Variants in FOXN2 observed in about 807,000 individuals in gnomAD.
FOXN2 encodes the protein forkhead box protein N2.
FOXN2 carries 19 observed loss-of-function variants against 41.2 expected under a neutral mutation model. The ratio of observed to expected loss-of-function variants is 0.46; its 90% confidence interval spans 0.32 to 0.68. FOXN2 has a LOEUF of 0.68. Among genes scored for constraint, FOXN2 ranks in the 30% least tolerant of loss-of-function variants. The pLI is 0.03. For synonymous variants in FOXN2, 195 were observed against 176.8 expected, an observed-to-expected ratio of 1.10 and a Z score of -0.82; for missense variants, 587 against 509.4, an observed-to-expected ratio of 1.15 and a Z score of -1.47.
At chr2:48,363,469 C>T (rs1451957061) in intron 5 of FOXN2, among the ~76,000 whole-genome samples, 2 of 152,052 alleles carry the variant, frequency 1.3e-5, no homozygotes, top group Non-Finnish European at 2.9e-5. Flanking sequence ...TTAGTGCAGC[C>T]TAAGTGTACA....
intron 6 of FOXN2, among the ~76,000 whole-genome samples, chr2:48,374,288 T>C (rs1365380151): frequency 1.3e-5 from 2 of 152,106 alleles, no homozygotes; most frequent in Admixed American, 6.5e-5. Flanking sequence ...GCAATACACA[T>C]GTGAAAAGAT....
At chr2:48,346,787 TGGG>T in intron 3 of FOXN2, 36 bp downstream of exon 3, 1 of 1,498,506 alleles carries the variant, frequency 6.7e-7, no homozygotes, top group Non-Finnish European at 8.9e-7. Context: ...TTTGGTGAGG[TGGG>T]GGGACTAATT....
In FOXN2 at chr2:48,379,048, T is replaced by G. The variant is rs1263497207; in HGVS notation, c.*3605T>G. On this transcript the variant is annotated 3_prime_UTR_variant, in exon 7 of 7. Transcript: ENST00000340553. Reference sequence around the variant, plus strand: ...TCAACAAATTTGTTATCAAACTGTTTCCTTATCCTCTTTTCTGATGTAGCA... The same window carrying G: ...TCAACAAATTTGTTATCAAACTGTTGCCTTATCCTCTTTTCTGATGTAGCA... 1 of 152,594 alleles carries G rather than the reference T, an allele frequency of 6.6e-6. No individual in the cohort carries two copies. Among genetic ancestry groups the G allele is most frequent in the Admixed American group, 6.6e-5 (1 of 15,264 alleles). The allele number at this position is 152,594 out of a possible 1,614,324, so 9.5% of individuals were successfully genotyped here. A position where few individuals can be genotyped will look rare whatever the true frequency, so the allele number is the denominator to read the frequency against.
chr2:48,335,330 A>G (rs1670264092), intron 2 of FOXN2, among the ~76,000 whole-genome samples: 1 of 150,760 alleles, frequency 6.6e-6, no homozygotes, highest in South Asian at 2.1e-4. Context: ...AAAAGCAAAT[A>G]TGCTGTTGAA....
intron 2 of FOXN2, among the ~76,000 whole-genome samples, chr2:48,333,391 A>G (rs555330410): frequency 2.0e-5 from 3 of 152,232 alleles, no homozygotes; most frequent in African/African-American, 7.2e-5. Context: ...TTAAATTTCT[A>G]TATTTAAAAT....
chr2:48,361,013 CAAA>C (rs10719302), intron 4 of FOXN2, among the ~76,000 whole-genome samples: 6 of 126,848 alleles, frequency 4.7e-5, no homozygotes, highest in South Asian at 2.4e-4. Context: ...GACCCCATCT[CAAA>C]AAAAAAAAAA....
intron 3 of FOXN2, among the ~76,000 whole-genome samples, chr2:48,352,019 A>T (rs1351239191): frequency 6.6e-6 from 1 of 152,142 alleles, no homozygotes; most frequent in Non-Finnish European, 1.5e-5. Flanking sequence ...CCAGAATAGA[A>T]GTGTGATGAA....
intron 5 of FOXN2, among the ~76,000 whole-genome samples, chr2:48,367,087 G>GT (rs1672582743): frequency 6.6e-6 from 1 of 152,144 alleles, no homozygotes; most frequent in Non-Finnish European, 1.5e-5. Context: ...GCAGCAGTGT[G>GT]TTTGTTGTCT....
At chr2:48,345,099 G>A (rs911258166) in intron 2 of FOXN2, among the ~76,000 whole-genome samples, 2 of 152,070 alleles carry the variant, frequency 1.3e-5, no homozygotes, top group African/African-American at 2.4e-5. Context: ...GCTATTTTTC[G>A]CTCTCCTTGA....
At chr2:48,322,216 G>A (rs1669376528) in intron 1 of FOXN2, among the ~76,000 whole-genome samples, 1 of 152,128 alleles carries the variant, frequency 6.6e-6, no homozygotes, top group African/African-American at 2.4e-5. Context: ...CCAAAGTGCT[G>A]GTATTACAGG....
At chr2:48,341,944 G>A (rs955711904) in intron 2 of FOXN2, among the ~76,000 whole-genome samples, 1 of 152,152 alleles carries the variant, frequency 6.6e-6, no homozygotes, top group African/African-American at 2.4e-5. Flanking sequence ...TATAAGAGGT[G>A]GCTTCTGTTT....
In FOXN2 at chr2:48,334,667, T is replaced by G. The variant is rs527867187; in HGVS notation, c.-15+5965T>G. 1.4e-3 allele frequency among the ~76,000 whole-genome samples: 212 copies of G among 152,294 alleles called. 2 individuals are homozygous for G. Among genetic ancestry groups the G allele is most frequent in the Non-Finnish European group, 2.0e-3 (133 of 68,012 alleles). On this transcript the variant is annotated intron_variant, in intron 2 of 6. Coordinates refer to ENST00000340553, the MANE Select transcript of FOXN2 (RefSeq NM_002158.4). ...AATCTGGCTATTGCTTTGAGGATAT[T>G]TGCCAAATCAGGTGAGCTTCTCTGT...
chr2:48,325,893 G>A (rs1444992277), intron 1 of FOXN2, among the ~76,000 whole-genome samples: 1 of 140,826 alleles, frequency 7.1e-6, no homozygotes, highest in African/African-American at 2.7e-5. Flanking sequence ...CAGTCGCCCA[G>A]GCTGGAGTGC....
intron 4 of FOXN2, among the ~76,000 whole-genome samples, chr2:48,360,227 A>G (rs1261101493): frequency 6.6e-6 from 1 of 152,108 alleles, no homozygotes; most frequent in Non-Finnish European, 1.5e-5. Context: ...GTCTTCTCCA[A>G]TTTATTATAT....
chr2:48,375,360 C>G lies in FOXN2; in HGVS notation c.1213C>G (p.Leu405Val), dbSNP rs1558645275. 4 of 1,613,584 alleles carry G rather than the reference C, an allele frequency of 2.5e-6. No homozygotes were observed. The highest frequency in any genetic ancestry group is 3.4e-6 in the Non-Finnish European group (4 of 1,179,778). The change falls in exon 7 of 7, where the codon CTC (leucine) becomes GTC (valine). Residue 405 changes from leucine to valine, a missense_variant. Coordinates refer to ENST00000340553, the MANE Select transcript of FOXN2 (RefSeq NM_002158.4). The part of the protein sequence containing the change: ...EELKEAAGSL[L>V]HLAGIRTCLG... ...GCTCAAAGAGGCAGCTGGATCTCTG[C>G]TCCACCTTGCTGGAATTCGTACATG... is the stretch of plus-strand genomic sequence containing the variant.
rs865780986 is a variant in FOXN2, at chr2:48,349,182, G to A, written c.537+2431G>A. 3.3e-5 allele frequency among the ~76,000 whole-genome samples: 5 copies of A among 152,118 alleles called. No homozygotes were observed. In the South Asian group the frequency reaches 8.3e-4, roughly 25 times the overall value. ...GAGACTCTGTCTCACAAAACAAAACGAAAAACATTGGATTCAACTTTGGCT... is the reference window on the plus strand; with the variant it reads ...GAGACTCTGTCTCACAAAACAAAACAAAAAACATTGGATTCAACTTTGGCT... On this transcript the variant is annotated intron_variant, in intron 3 of 6. Transcript: ENST00000340553.
At chr2:48,327,379 G>A (rs149836289) in intron 1 of FOXN2, among the ~76,000 whole-genome samples, 4 of 151,972 alleles carry the variant, frequency 2.6e-5, no homozygotes, top group African/African-American at 9.6e-5. Context: ...AATTTAGGTT[G>A]TATTCCATAT....
chr2:48,318,357 A>C (rs1669071539), intron 1 of FOXN2, among the ~76,000 whole-genome samples: 1 of 152,222 alleles, frequency 6.6e-6, no homozygotes, highest in Non-Finnish European at 1.5e-5. Context: ...ATTTTATAGA[A>C]TATCCCTCAA....
In FOXN2 at chr2:48,352,270, A is replaced by T. The variant is rs923269295; in HGVS notation, c.537+5519A>T. 1.1e-4 allele frequency among the ~76,000 whole-genome samples: 17 copies of T among 152,280 alleles called. No individual in the cohort carries two copies. The East Asian group carries it at 3.3e-3, about 29-fold the overall frequency. On this transcript the variant is annotated intron_variant, in intron 3 of 6. Transcript: ENST00000340553. Reference sequence around the variant, plus strand: ...TTCAGTGAAGATGTGGGATTTGAACACTTTGTAATCATTGCCCTCCTTATG... The same window carrying T: ...TTCAGTGAAGATGTGGGATTTGAACTCTTTGTAATCATTGCCCTCCTTATG...
Sources: gnomAD v4.1 joint callset for allele counts (sites outside exome capture counted in the v4.1 genomes callset) on GRCh38, gnomAD v4.1.1 for gene constraint, MANE v1.5 for transcripts, NCBI Gene and HGNC (gene_info 2026-07-23, HGNC 2026-07-21) for gene names.